ZNF585B: variants seen among roughly 807,000 people sequenced by gnomAD.
ZNF585B encodes the protein zinc finger protein 41-like protein.
In ZNF585B, 7 loss-of-function variants were observed where a neutral mutation model predicts 14.0. The ratio of observed to expected loss-of-function variants is 0.50; its 90% CI spans 0.28 to 0.94. The LOEUF is 0.94. Ranked by LOEUF, ZNF585B falls within the 40% of genes least tolerant of loss-of-function variation. The pLI is 0.09. For missense variants in ZNF585B, 750 were observed against 924.4 expected, an observed-to-expected ratio of 0.81 and a Z score of 2.45; for synonymous variants, 290 against 317.3, an observed-to-expected ratio of 0.91 and a Z score of 0.91.
intron 1 of ZNF585B, among the ~76,000 whole-genome samples, chr19:37,208,513 G>A (rs926273236): frequency 1.3e-5 from 2 of 151,332 alleles, no homozygotes. Flanking sequence ...TCGACATAAA[G>A]ATATATAAGA....
At chr19:37,197,294 T>C (rs1018026283) in intron 2 of ZNF585B, among the ~76,000 whole-genome samples, 2 of 152,178 alleles carry the variant, frequency 1.3e-5, no homozygotes, top group African/African-American at 2.4e-5. Context: ...TCCATGTCCC[T>C]ACAAAGGACA....
intron 3 of ZNF585B, 85 bp downstream of exon 3, chr19:37,189,938 TC>T: frequency 6.3e-7 from 1 of 1,585,796 alleles, no homozygotes; most frequent in Non-Finnish European, 8.6e-7. Flanking sequence ...CCATCACCTA[TC>T]TAAGATGCCA....
intron 2 of ZNF585B, among the ~76,000 whole-genome samples, chr19:37,205,980 T>A (rs890025237): frequency 6.6e-6 from 1 of 152,022 alleles, no homozygotes; most frequent in Non-Finnish European, 1.5e-5. Flanking sequence ...CTCAGGAGGC[T>A]GGGGCAGGAG....
At chr19:37,195,181 C>T (rs923519940) in intron 2 of ZNF585B, among the ~76,000 whole-genome samples, 6 of 151,264 alleles carry the variant, frequency 4.0e-5, no homozygotes, top group African/African-American at 1.5e-4. Context: ...CCCATCTCTA[C>T]TAAAAATACA....
In ZNF585B at chr19:37,182,013, T is replaced by C; in HGVS notation, c.*3214A>G. 6.6e-6 allele frequency: 1 copy of C among 152,154 alleles called. No individual in the cohort carries two copies. The highest frequency in any genetic ancestry group is 1.5e-5 in the Non-Finnish European group (1 of 68,032). 9.4% of individuals were successfully genotyped at this position (152,154 alleles called of 1,614,324 possible). On this transcript the variant is annotated 3_prime_UTR_variant, in exon 5 of 5. Transcript: ENST00000532828. ...ACTTTGGCCGATAGTGTCAATGTAG[T>C]TTCATCAATTGTAACAAATGTACCA... is the stretch of plus-strand genomic sequence containing the variant.
Position 37,207,142 on chromosome 19 carries a change from A to G in ZNF585B, c.-31T>C. The G allele has an allele frequency of 6.2e-7, 1 of 1,613,608 alleles. No homozygotes were observed. The highest frequency in any genetic ancestry group is 8.5e-7 in the Non-Finnish European group (1 of 1,179,950). On this transcript the variant is annotated 5_prime_UTR_variant, in exon 2 of 5. It removes the in-frame stop codon of an upstream open reading frame in the 5' UTR. Coordinates refer to ENST00000532828, the MANE Select transcript of ZNF585B (RefSeq NM_152279.4). ...CACTGGATCTCAACCCTTTTTGTCT[A>G]GGGTGCCTGAAGTTTAGTGGTCATC...
chr19:37,209,092 A>C (rs2145449146), intron 1 of ZNF585B, among the ~76,000 whole-genome samples: 1 of 152,106 alleles, frequency 6.6e-6, no homozygotes, highest in South Asian at 2.1e-4. Flanking sequence ...CTTTTGAGCT[A>C]TTTAGTCATA....
chr19:37,198,176 A>G (rs1274199019), intron 2 of ZNF585B, among the ~76,000 whole-genome samples: 2 of 151,938 alleles, frequency 1.3e-5, no homozygotes, highest in Non-Finnish European at 2.9e-5. Flanking sequence ...TTATTTTATT[A>G]TTATTATTTT....
At chr19:37,187,312 C>T (rs1972350569) in intron 4 of ZNF585B, 68 bp from the exon 5 acceptor site, 10 of 1,178,704 alleles carry the variant, frequency 8.5e-6, no homozygotes, top group Non-Finnish European at 1.1e-5. Context: ...TCTTAACATT[C>T]TTTGAAGCAT....
intron 2 of ZNF585B, among the ~76,000 whole-genome samples, chr19:37,192,725 G>A (rs549950291): frequency 6.6e-6 from 1 of 152,124 alleles, no homozygotes; most frequent in Non-Finnish European, 1.5e-5. Flanking sequence ...TAGGAGAATC[G>A]CTTGAACCTG....
At position 37,185,970 on chromosome 19, in the gene ZNF585B, C is replaced by A. The variant is rs1458784330; in HGVS notation, c.1567G>T (p.Glu523Ter). 1.9e-6 allele frequency: 3 copies of A among 1,613,884 alleles called. No homozygotes were observed. Among genetic ancestry groups the A allele is most frequent in the Non-Finnish European group, 2.5e-6 (3 of 1,179,992 alleles). The change falls in exon 5 of 5, where the codon GAA becomes TAA. Residue 523 changes from glutamate to a stop codon, truncating the protein, a stop_gained. Transcript: ENST00000532828. LOFTEE classifies it low-confidence loss of function (END_TRUNC). ...AAGGCTTTTCCACAAGTATTGCATTCATAAGGCTTCTCCCCAGTATGGATT... is the reference window on the plus strand; with the variant it reads ...AAGGCTTTTCCACAAGTATTGCATTAATAAGGCTTCTCCCCAGTATGGATT... ...QRIHTGEKPY[E>*]CNTCGKAFTQ... is the part of the protein sequence containing the mutation.
At chr19:37,203,331 T>C (rs1044824501) in intron 2 of ZNF585B, among the ~76,000 whole-genome samples, 8 of 152,086 alleles carry the variant, frequency 5.3e-5, no homozygotes, top group Non-Finnish European at 7.3e-5. Context: ...TAGTACTTTA[T>C]TAGCAGGGCA....
Position 37,181,782 on chromosome 19 carries a change from G to C in ZNF585B, c.*3445C>G, listed in dbSNP as rs1454074896. On this transcript the variant is annotated 3_prime_UTR_variant, in exon 5 of 5. Transcript: ENST00000532828. ...ATTACTAAGTGAAACAAATCAATCT[G>C]AAAAGGCTGCATACTTTATGGTTCA... is the stretch of plus-strand genomic sequence containing the variant. 1 of 151,676 alleles carries C rather than the reference G, an allele frequency of 6.6e-6. No homozygotes were observed. The highest frequency in any genetic ancestry group is 1.5e-5 in the Non-Finnish European group (1 of 67,952). 9.4% of individuals were successfully genotyped at this position (151,676 alleles called of 1,614,324 possible).
intron 2 of ZNF585B, among the ~76,000 whole-genome samples, chr19:37,202,808 A>C (rs1972544739): frequency 6.6e-6 from 1 of 151,748 alleles, no homozygotes. Context: ...ATGCCCAGTT[A>C]ATTTTTGCAT....
Position 37,185,778 on chromosome 19 carries a change from A to G in ZNF585B, c.1759T>C (p.Phe587Leu), listed in dbSNP as rs774318433. The G allele has an allele frequency of 6.3e-7, 1 of 1,594,306 alleles. No homozygotes were observed. The highest frequency in any genetic ancestry group is 1.1e-5 in the South Asian group (1 of 89,004). The change falls in exon 5 of 5, where the codon TTC becomes CTC. Residue 587 changes from phenylalanine to leucine, a missense_variant. Physicochemically the swap from Phe to Leu is conservative, Grantham distance 22. Around this residue, in one of 2 missense-constraint regions of ZNF585B, gnomAD observed 233 missense variants for 354.1 expected, o/e 0.66. Coordinates refer to ENST00000532828, the MANE Select transcript of ZNF585B (RefSeq NM_152279.4). ...GTAATAAAGTTTGACTTGCGGATGAAAGCTCTTCCACACTCAGTGCATACA... is the reference window on the plus strand; with the variant it reads ...GTAATAAAGTTTGACTTGCGGATGAGAGCTCTTCCACACTCAGTGCATACA... Reference protein sequence around the residue: ...PYVCTECGRAFIRKSNFITHQ... With the variant: ...PYVCTECGRALIRKSNFITHQ...
In ZNF585B at chr19:37,183,553, TGGAATTTTAAACCA is replaced by T. The variant is rs200734796; in HGVS notation, c.*1660_*1673del. The T allele has an allele frequency of 0.039, 5,923 of 152,140 alleles. 181 individuals are homozygous for T. Among genetic ancestry groups the T allele is most frequent in the Non-Finnish European group, 0.055 (3,766 of 67,996 alleles). The allele number at this position is 152,140 out of a possible 1,614,324, so 9.4% of individuals were successfully genotyped here. A position where few individuals can be genotyped will look rare whatever the true frequency, so the allele number is the denominator to read the frequency against. On this transcript the variant is annotated 3_prime_UTR_variant, in exon 5 of 5. Coordinates refer to ENST00000532828, the MANE Select transcript of ZNF585B (RefSeq NM_152279.4). ...GAATAAAGGAGGAAGGGTAAGGGGC[TGGAATTTTAAACCA>T]GGCAGGCAGGGAAGGCCTGTGTGGA...
Position 37,187,058 on chromosome 19 carries a change from C to T in ZNF585B, c.479G>A (p.Cys160Tyr). The change falls in exon 5 of 5, where the codon TGT (cysteine) becomes TAT (tyrosine). Residue 160 changes from cysteine (C) to tyrosine (Y), a missense_variant. Coordinates refer to ENST00000532828, the MANE Select transcript of ZNF585B (RefSeq NM_152279.4). ...TACAAAAGCCCTCCCACATTCAATA[C>T]ATACATAGAGTTTTTCTCCTGTAGG... ...KVPTGEKLYV[C>Y]IECGRAFVQK... The T allele has an allele frequency of 6.2e-7, 1 of 1,613,522 alleles. No individual in the cohort carries two copies. The highest frequency in any genetic ancestry group is 1.6e-4 in the Middle Eastern group (1 of 6,062).
chr19:37,206,383 G>A (rs940363197), intron 2 of ZNF585B, among the ~76,000 whole-genome samples: 9 of 149,298 alleles, frequency 6.0e-5, no homozygotes, highest in Admixed American at 4.0e-4. Context: ...CCCAGGAGGC[G>A]GAGGTTGCAG....
intron 2 of ZNF585B, among the ~76,000 whole-genome samples, chr19:37,200,000 G>A (rs545264397): frequency 1.4e-4 from 21 of 151,590 alleles, no homozygotes; most frequent in African/African-American, 5.1e-4. Flanking sequence ...CCGAGATGGC[G>A]CCACTGCACT....
Sources: allele counts gnomAD v4.1 joint callset (sites outside exome capture counted in the v4.1 genomes callset), GRCh38; gene constraint gnomAD v4.1.1; regional missense constraint gnomAD v4.1.1; transcripts MANE v1.5; gene names NCBI Gene and HGNC (gene_info 2026-07-23, HGNC 2026-07-21).